The following ENPP6 variants were observed in gnomAD, a reference collection of about 807,000 sequenced individuals.
ENPP6 encodes the protein glycerophosphocholine cholinephosphodiesterase ENPP6.
In ENPP6, 32 loss-of-function variants were observed where a neutral mutation model predicts 42.0. The ratio of observed to expected loss-of-function variants is 0.76; its 90% CI spans 0.58 to 1.02. ENPP6 has a LOEUF of 1.02. Ranked by LOEUF, ENPP6 falls within the 50% of genes least tolerant of loss-of-function variation. The pLI, the probability that ENPP6 is intolerant of heterozygous loss-of-function variation, is 0.00. For synonymous variants in ENPP6, 213 were observed against 216.0 expected (o/e 0.99, Z 0.12); for missense variants, 552 against 566.8 (o/e 0.97, Z 0.27).
chr4:184,131,204 C>T lies in ENPP6; in HGVS notation c.422-6932G>A, dbSNP rs367895229. 3.1e-3 allele frequency among the ~76,000 whole-genome samples: 138 copies of T among 45,168 alleles called. 4 individuals are homozygous for T. Among genetic ancestry groups the T allele is most frequent in the Middle Eastern group, 0.011 (1 of 92 alleles). The allele number at this position is 45,168 out of a possible 152,430, so 29.6% of individuals were successfully genotyped here. On this transcript the variant is annotated intron_variant, in intron 2 of 7. Coordinates refer to ENST00000296741, the MANE Select transcript of ENPP6 (RefSeq NM_153343.4). ...TTCTTTCTTTCTTTCTTTCTTTCTTCTTTCTTTCTTTCTTTTTCTTTCTTT... is the reference window on the plus strand; with the variant it reads ...TTCTTTCTTTCTTTCTTTCTTTCTTTTTTCTTTCTTTCTTTTTCTTTCTTT...
intron 6 of ENPP6, among the ~76,000 whole-genome samples, chr4:184,099,059 T>G: frequency 6.6e-6 from 1 of 152,196 alleles, no homozygotes; most frequent in East Asian, 1.9e-4. Flanking sequence ...ATGATACCAT[T>G]TGCCCCATTT....
At chr4:184,140,489 A>G (rs1180482912) in intron 2 of ENPP6, among the ~76,000 whole-genome samples, 3 of 148,896 alleles carry the variant, frequency 2.0e-5, no homozygotes, top group African/African-American at 4.9e-5. Context: ...ACTTCAAACT[A>G]TACTACAAGG....
intron 2 of ENPP6, among the ~76,000 whole-genome samples, chr4:184,128,935 C>T (rs1161051206): frequency 6.6e-6 from 1 of 152,116 alleles, no homozygotes; most frequent in Admixed American, 6.5e-5. Flanking sequence ...TGATAATTAA[C>T]CACCAATAAA....
At chr4:184,191,247 A>G (rs1732709406) in intron 1 of ENPP6, among the ~76,000 whole-genome samples, 1 of 152,254 alleles carries the variant, frequency 6.6e-6, no homozygotes, top group Non-Finnish European at 1.5e-5. Flanking sequence ...TTGAACAAGT[A>G]ATTTAATATC....
chr4:184,144,291 C>A (rs558313144), intron 2 of ENPP6, among the ~76,000 whole-genome samples: 11 of 152,348 alleles, frequency 7.2e-5, no homozygotes, highest in African/African-American at 2.6e-4. Flanking sequence ...CTACCACCCC[C>A]AGACTGTGCT....
intron 6 of ENPP6, among the ~76,000 whole-genome samples, chr4:184,099,529 G>T (rs965195308): frequency 1.2e-4 from 19 of 152,196 alleles, no homozygotes; most frequent in Non-Finnish European, 2.8e-4. Flanking sequence ...TGGCCATGGG[G>T]CCAGGTGCCC....
chr4:184,092,178 A>T (rs1248540842), intron 7 of ENPP6, among the ~76,000 whole-genome samples: 2 of 151,436 alleles, frequency 1.3e-5, no homozygotes, highest in Non-Finnish European at 2.9e-5. Flanking sequence ...ATGTTTTCTC[A>T]CTTTGCTGCC....
At chr4:184,157,923 T>A (rs1456172192) in intron 1 of ENPP6, among the ~76,000 whole-genome samples, 1 of 151,954 alleles carries the variant, frequency 6.6e-6, no homozygotes, top group Non-Finnish European at 1.5e-5. Context: ...CCCAGCCAAG[T>A]TTCTCTTTAA....
chr4:184,111,705 G>A (rs1736198438), intron 6 of ENPP6, among the ~76,000 whole-genome samples: 1 of 152,216 alleles, frequency 6.6e-6, no homozygotes, highest in African/African-American at 2.4e-5. Flanking sequence ...CTCTCTGTCT[G>A]AGAGCACCCA....
At chr4:184,095,873 A>G (rs943198638) in intron 7 of ENPP6, among the ~76,000 whole-genome samples, 43 of 152,116 alleles carry the variant, frequency 2.8e-4, no homozygotes, top group Non-Finnish European at 5.9e-4. Context: ...TCCAGTAGTT[A>G]CCCTCGGGGT....
chr4:184,217,537 C>A (rs1163114235), intron 1 of ENPP6, 42 bp downstream of exon 1: 3 of 1,607,500 alleles, frequency 1.9e-6, no homozygotes, highest in East Asian at 2.2e-5. Context: ...CTGCTGGATG[C>A]CAGCCCTCCC....
chr4:184,143,952 G>A (rs1475416363), intron 2 of ENPP6, among the ~76,000 whole-genome samples: 1 of 152,178 alleles, frequency 6.6e-6, no homozygotes, highest in Non-Finnish European at 1.5e-5. Flanking sequence ...AGGCAAAAGT[G>A]CCACCTCTCT....
chr4:184,099,447 T>C (rs1214492527), intron 6 of ENPP6, among the ~76,000 whole-genome samples: 1 of 152,218 alleles, frequency 6.6e-6, no homozygotes, highest in Admixed American at 6.5e-5. Flanking sequence ...GGGGATGTCA[T>C]GACTGTGTGC....
chr4:184,144,110 CAG>C (rs1736877531), intron 2 of ENPP6, among the ~76,000 whole-genome samples: 1 of 152,220 alleles, frequency 6.6e-6, no homozygotes, highest in African/African-American at 2.4e-5. Context: ...TTGGTGCTGA[CAG>C]AGAATGGGGC....
Position 184,090,709 on chromosome 4 carries a change from A to C in ENPP6, c.*468T>G, listed in dbSNP as rs972875882. The C allele has an allele frequency of 1.4e-5, 4 of 294,344 alleles. No individual in the cohort carries two copies. Among genetic ancestry groups the C allele is most frequent in the African/African-American group, 6.4e-5 (3 of 46,578 alleles). 18.2% of individuals were successfully genotyped at this position (294,344 alleles called of 1,614,324 possible). A position where few individuals can be genotyped will look rare whatever the true frequency, so the allele number is the denominator to read the frequency against. On this transcript the variant is annotated 3_prime_UTR_variant, in exon 8 of 8. Transcript: ENST00000296741. ...TCATGTAGACCTCCTTTTATCAGGGATGGAAGGAACAGTACAGGATTGTGG... is the reference window on the plus strand; with the variant it reads ...TCATGTAGACCTCCTTTTATCAGGGCTGGAAGGAACAGTACAGGATTGTGG...
At chr4:184,204,152 TGAGTGCCCACCC>T (rs1446528106) in intron 1 of ENPP6, 3 of 152,210 alleles carry the variant, frequency 2.0e-5, no homozygotes, top group Non-Finnish European at 2.9e-5. Flanking sequence ...CGATACTGGA[TGAGTGCCCACCC>T]TAGTGACCTC....
chr4:184,196,130 C>T (rs916553182), intron 1 of ENPP6, among the ~76,000 whole-genome samples: 1 of 152,226 alleles, frequency 6.6e-6, no homozygotes, highest in African/African-American at 2.4e-5. Context: ...CCATCTCTGC[C>T]CCTTGGCTTG....
intron 1 of ENPP6, among the ~76,000 whole-genome samples, chr4:184,169,408 G>A (rs765740523): frequency 6.6e-6 from 1 of 152,186 alleles, no homozygotes; most frequent in African/African-American, 2.4e-5. Flanking sequence ...CCAGGGCCGC[G>A]GGGAGGGCAG....
intron 6 of ENPP6, among the ~76,000 whole-genome samples, chr4:184,105,573 T>C (rs1385234616): frequency 6.6e-6 from 1 of 152,224 alleles, no homozygotes; most frequent in Admixed American, 6.5e-5. Flanking sequence ...TGAGCCGCCA[T>C]TAACTCAGTA....
Sources: allele counts gnomAD v4.1 joint callset (sites outside exome capture counted in the v4.1 genomes callset), GRCh38; gene constraint gnomAD v4.1.1; transcripts MANE v1.5; gene names NCBI Gene and HGNC (gene_info 2026-07-23, HGNC 2026-07-21).